Variants in URM1 observed in about 807,000 individuals in gnomAD.
URM1 encodes ubiquitin related modifier 1.
Under a neutral mutation model 17.7 loss-of-function variants are expected in URM1, and 11 were observed. That is an observed-to-expected ratio of 0.62 (90% confidence interval 0.39 to 1.03). The LOEUF (loss-of-function observed/expected upper bound fraction) is 1.03. URM1 is among the 50% of genes least tolerant of loss of function. The pLI, the probability that URM1 is intolerant of heterozygous loss-of-function variation, is 0.00. For synonymous variants in URM1, 48 were observed against 50.6 expected, an observed-to-expected ratio of 0.95 and a Z score of 0.22; for missense variants, 128 against 129.2, an observed-to-expected ratio of 0.99 and a Z score of 0.04.
chr9:128,384,327 CG>C (rs1484031111), intron 2 of URM1, among the ~76,000 whole-genome samples: 1 of 152,186 alleles, frequency 6.6e-6, no homozygotes. Context: ...GCTGTGTGCC[CG>C]GGGGCAGCCT....
chr9:128,379,115 A>G (rs1349501810), intron 2 of URM1, among the ~76,000 whole-genome samples: 8 of 152,114 alleles, frequency 5.3e-5, no homozygotes, highest in Admixed American at 3.3e-4. Context: ...TGACTGAGAT[A>G]CTTCTGGGGA....
At chr9:128,379,541 T>C (rs1833129845) in intron 2 of URM1, among the ~76,000 whole-genome samples, 2 of 151,802 alleles carry the variant, frequency 1.3e-5, no homozygotes, top group Admixed American at 6.6e-5. Flanking sequence ...GGCTCACGCC[T>C]GTAATCCCAG....
At chr9:128,378,188 C>A in intron 2 of URM1, 82 bp downstream of exon 2, 1 of 970,274 alleles carries the variant, frequency 1.0e-6, no homozygotes, top group Non-Finnish European at 1.6e-6. Context: ...CCCGTTCAGG[C>A]CTGTGTTCTG....
At position 128,387,529 on chromosome 9, in the gene URM1, G is replaced by A. The variant is rs564981781; in HGVS notation, c.107-287G>A. The stretch of plus-strand genomic sequence containing the variant: ...ACCCTTTAGATGCGACAGTCCTCCC[G>A]CCGTCTGCCTTGAATCCCCCCACTA... On this transcript the variant is annotated intron_variant, in intron 2 of 4. Transcript: ENST00000372853. The surrounding 1 kb of genome is among the most constrained non-coding windows in gnomAD (Gnocchi z 4.3). 2.0e-5 allele frequency among the ~76,000 whole-genome samples: 3 copies of A among 152,082 alleles called. No homozygotes were observed. Among genetic ancestry groups the A allele is most frequent in the East Asian group, 1.9e-4 (1 of 5,196 alleles).
In URM1 at chr9:128,376,364, AAAAT is replaced by A. The variant is rs1382526329; in HGVS notation, c.36-1662_36-1659del. Among the ~76,000 whole-genome samples the A allele has an allele frequency of 2.0e-4, 29 of 147,144 alleles. 1 individual carries two copies. In the East Asian group the frequency reaches 5.2e-3, roughly 27 times the overall value. ...GTGACAGAGTGAGACCTTGTCTCAAAAAATAAATAAATAGGCCAGGCACGGTGGC... is the reference window on the plus strand; with the variant it reads ...GTGACAGAGTGAGACCTTGTCTCAAAAAATAAATAGGCCAGGCACGGTGGC... On this transcript the variant is annotated intron_variant, in intron 1 of 4. Transcript: ENST00000372853.
At chr9:128,388,816 C>T (rs1041312333) in intron 3 of URM1, 21 of 991,178 alleles carry the variant, frequency 2.1e-5, no homozygotes, top group South Asian at 9.3e-5. Flanking sequence ...AAAAAAAAGC[C>T]GAAGTTCTTT....
Position 128,389,900 on chromosome 9 carries a change from G to T in URM1, c.*166G>T. 1.1e-6 allele frequency: 1 copy of T among 933,608 alleles called. No homozygotes were observed. The allele number at this position is 933,608 out of a possible 1,614,324, so 57.8% of individuals were successfully genotyped here. On this transcript the variant is annotated 3_prime_UTR_variant, in exon 5 of 5. Transcript: ENST00000372853. Reference sequence around the variant, plus strand: ...AAAAGAGGCCAGGTGCTAAAAATGAGCCTTTCTCAAGCACGTGAGCAGCGG... The same window carrying T: ...AAAAGAGGCCAGGTGCTAAAAATGATCCTTTCTCAAGCACGTGAGCAGCGG...
At chr9:128,377,473 G>A (rs544077325) in intron 1 of URM1, among the ~76,000 whole-genome samples, 2 of 152,292 alleles carry the variant, frequency 1.3e-5, no homozygotes, top group East Asian at 1.9e-4. Context: ...AAGAGTTTGA[G>A]ACTAGCCTGG....
At chr9:128,373,313 G>A (rs1833036672) in intron 1 of URM1, among the ~76,000 whole-genome samples, 1 of 152,082 alleles carries the variant, frequency 6.6e-6, no homozygotes, top group South Asian at 2.1e-4. Flanking sequence ...GTTGATGCAC[G>A]TTTTTGCCCT....
chr9:128,384,976 C>T (rs1323324422), intron 2 of URM1, among the ~76,000 whole-genome samples: 9 of 152,124 alleles, frequency 5.9e-5, no homozygotes, highest in African/African-American at 1.2e-4. Context: ...TGAGCTGGAT[C>T]GTGATTCAAG....
intron 2 of URM1, among the ~76,000 whole-genome samples, chr9:128,382,024 G>C (rs1364809031): frequency 6.6e-6 from 1 of 152,214 alleles, no homozygotes; most frequent in African/African-American, 2.4e-5. Context: ...CCTGAGGCCT[G>C]CCCAGAGTTA....
Position 128,389,658 on chromosome 9 carries a change from C to T in URM1, c.238-8C>T, listed in dbSNP as rs760631983. On this transcript the variant is annotated splice_polypyrimidine_tract_variant and splice_region_variant and intron_variant, in intron 4 of 4. Transcript: ENST00000372853. ...GAGGGTCTCCCGCTCCCCTCTCTCC[C>T]GCACCAGGGTGAGCTGGACTACCAG... 1.9e-5 allele frequency: 30 copies of T among 1,613,376 alleles called. No homozygotes were observed. The highest frequency in any genetic ancestry group is 6.7e-5 in the African/African-American group (5 of 74,932).
rs1169318167 is a variant in URM1, at chr9:128,378,036, A to T, written c.36A>T (p.Gly12=). 6.2e-6 allele frequency: 10 copies of T among 1,611,592 alleles called. No individual in the cohort carries two copies. The highest frequency in any genetic ancestry group is 8.5e-6 in the Non-Finnish European group (10 of 1,178,958). The stretch of plus-strand genomic sequence containing the variant: ...CTTTTTCTCTGGTCCTCCTTTGCAG[A>T]GGTGGTGCGGAGCTCCTGTTTGACG... The part of the protein sequence containing the change: ...AAPLSVEVEF[G]GGAELLFDGI... Residue 12 remains glycine (G), a splice_region_variant and synonymous_variant, in exon 2 of 5, where the codon GGA becomes GGT. Coordinates refer to ENST00000372853, the MANE Select transcript of URM1 (RefSeq NM_030914.4).
At chr9:128,385,706 TC>T (rs1448824314) in intron 2 of URM1, among the ~76,000 whole-genome samples, 1 of 152,140 alleles carries the variant, frequency 6.6e-6, no homozygotes, top group Non-Finnish European at 1.5e-5. Flanking sequence ...TAGCAAGATG[TC>T]CCTGGGGGTG....
intron 2 of URM1, among the ~76,000 whole-genome samples, chr9:128,382,335 G>A (rs1327223369): frequency 6.6e-6 from 1 of 152,164 alleles, no homozygotes; most frequent in Non-Finnish European, 1.5e-5. Flanking sequence ...GAGCCCAGCT[G>A]GGGGTCAGGG....
At position 128,380,423 on chromosome 9, in the gene URM1, C is replaced by T. The variant is rs529856053; in HGVS notation, c.106+2317C>T. Among the ~76,000 whole-genome samples the T allele has an allele frequency of 2.8e-3, 420 of 151,988 alleles. 1 individual carries two copies. Among genetic ancestry groups the T allele is most frequent in the Non-Finnish European group, 3.6e-3 (248 of 67,978 alleles). ...CATGTCAGGATTGTGTGTCCCTGGT[C>T]GAGGAAGACATGGGGTGCTAAAGGT... On this transcript the variant is annotated intron_variant, in intron 2 of 4. Coordinates refer to ENST00000372853, the MANE Select transcript of URM1 (RefSeq NM_030914.4).
chr9:128,382,273 A>C (rs1347644662), intron 2 of URM1, among the ~76,000 whole-genome samples: 1 of 152,062 alleles, frequency 6.6e-6, no homozygotes, highest in African/African-American at 2.4e-5. Context: ...TTGGTGACCT[A>C]GGTCACCAAC....
chr9:128,386,094 G>T (rs1042992206), intron 2 of URM1, among the ~76,000 whole-genome samples: 1 of 152,192 alleles, frequency 6.6e-6, no homozygotes, highest in African/African-American at 2.4e-5. Flanking sequence ...GGGAGTCAGG[G>T]CTGTCCCCTA....
In URM1 at chr9:128,387,877, G is replaced by A; in HGVS notation, c.168G>A (p.Leu56=). 1 of 1,614,082 alleles carries A rather than the reference G, an allele frequency of 6.2e-7. No homozygotes were observed. The highest frequency in any genetic ancestry group is 1.3e-5 in the African/African-American group (1 of 75,024). Reference sequence around the variant, plus strand: ...ATTTGCTAAAAGAGCGGCCAGAGTTGTTCATCCAGGGAGACAGCGTGTGAG... The same window carrying A: ...ATTTGCTAAAAGAGCGGCCAGAGTTATTCATCCAGGGAGACAGCGTGTGAG... The part of the protein sequence containing the change: ...KKNLLKERPE[L]FIQGDSVRPG... Residue 56 remains leucine, a synonymous_variant, in exon 3 of 5, where the codon TTG becomes TTA. Transcript: ENST00000372853. The surrounding 1 kb of genome is among the most constrained non-coding windows in gnomAD (Gnocchi z 4.3).
Sources: allele counts gnomAD v4.1 joint callset (sites outside exome capture counted in the v4.1 genomes callset), GRCh38; gene constraint gnomAD v4.1.1; non-coding constraint Gnocchi (gnomAD v3.1); transcripts MANE v1.5; gene names NCBI Gene and HGNC (gene_info 2026-07-23, HGNC 2026-07-21).